The following EPHX3 variants were observed in gnomAD, a reference collection of about 807,000 sequenced individuals.
EPHX3 encodes the protein abhydrolase domain containing 9.
EPHX3 carries 39 observed loss-of-function variants against 40.2 expected under a neutral mutation model. That is an observed-to-expected ratio of 0.97 (90% confidence interval 0.75 to 1.27). The LOEUF is 1.27. Ranked by LOEUF, EPHX3 falls within the 50% of genes most tolerant of loss-of-function variation. EPHX3 has a pLI of 0.00. For missense variants in EPHX3, 442 were observed against 474.0 expected (o/e 0.93, Z 0.63); for synonymous variants, 213 against 209.7 (o/e 1.02, Z -0.14).
In EPHX3 at chr19:15,227,812, A is replaced by C. The variant is rs1040094800; in HGVS notation, c.816T>G (p.Gly272=). Residue 272 remains glycine (G), a synonymous_variant, in exon 6 of 7, where the codon GGT becomes GGG. Transcript: ENST00000221730. ...AGTAGTTGAGGGGCCCAGTGAGGCCACCAGGCTGTGAGAAGTTATAAAGGA... is the reference window on the plus strand; with the variant it reads ...AGTAGTTGAGGGGCCCAGTGAGGCCCCCAGGCTGTGAGAAGTTATAAAGGA... ...EAFLYNFSQP[G]GLTGPLNYYR... 1.7e-5 allele frequency: 27 copies of C among 1,613,882 alleles called. No individual in the cohort carries two copies. Among genetic ancestry groups the C allele is most frequent in the Non-Finnish European group, 2.3e-5 (27 of 1,180,026 alleles).
At chr19:15,230,135 A>C (rs1055802252) in intron 4 of EPHX3, among the ~76,000 whole-genome samples, 8 of 151,882 alleles carry the variant, frequency 5.3e-5, no homozygotes, top group Non-Finnish European at 7.4e-5. Flanking sequence ...CTATAAAAAA[A>C]TGTGGATTAC....
At chr19:15,230,879 A>G in intron 4 of EPHX3, 83 bp downstream of exon 4, 1 of 1,558,732 alleles carries the variant, frequency 6.4e-7, no homozygotes, top group Admixed American at 1.7e-5. Context: ...GTTGACAGGT[A>G]TACAGAGAAT....
chr19:15,227,754 TTGGC>T lies in EPHX3; in HGVS notation c.857+13_857+16del. The T allele has an allele frequency of 5.0e-6, 8 of 1,612,948 alleles. No homozygotes were observed. The highest frequency in any genetic ancestry group is 5.1e-6 in the Non-Finnish European group (6 of 1,179,366). Reference sequence around the variant, plus strand: ...CCCTGCAAATCTCCTGAGCTTATGCTTGGCAACTGGTCTCACCTGAAGAGGTTTC... The same window carrying T: ...CCCTGCAAATCTCCTGAGCTTATGCTAACTGGTCTCACCTGAAGAGGTTTC... On this transcript the variant is annotated intron_variant, in intron 6 of 6. Transcript: ENST00000221730.
Position 15,231,265 on chromosome 19 carries a change from TC to T in EPHX3, c.460del (p.Asp154ThrfsTer7). 6.2e-7 allele frequency: 1 copy of T among 1,613,916 alleles called. No individual in the cohort carries two copies. Among genetic ancestry groups the T allele is most frequent in the East Asian group, 2.2e-5 (1 of 44,866 alleles). On this transcript the variant is annotated frameshift_variant, in exon 3 of 7. Coordinates refer to ENST00000221730, the MANE Select transcript of EPHX3 (RefSeq NM_024794.3). LOFTEE classifies it high-confidence loss of function. ...CAGGCCTAGGATGACATCTTTGATG[TC>T]CACCAGCAGCAGGTCGATTGTGTAG... ...DCYTIDLLLVDIKDVILGLGY... is the reference protein window; with the variant it reads ...DCYTIDLLLVXIKDVILGLGY...
intron 6 of EPHX3, 23 bp from the exon 7 acceptor site, chr19:15,227,685 G>A (rs2047122807): frequency 1.9e-6 from 3 of 1,612,148 alleles, no homozygotes; most frequent in South Asian, 2.2e-5. Flanking sequence ...CAGACAGACA[G>A]GCAGACAGAC....
chr19:15,227,897 G>T lies in EPHX3; in HGVS notation c.731C>A (p.Thr244Asn). 3 of 1,614,058 alleles carry T rather than the reference G, an allele frequency of 1.9e-6. No homozygotes were observed. The highest frequency in any genetic ancestry group is 2.5e-6 in the Non-Finnish European group (3 of 1,180,012). The change falls in exon 6 of 7, where the codon ACC becomes AAC. Residue 244 changes from threonine to asparagine, a missense_variant. Thr to Asn is a moderately conservative substitution (Grantham distance 65, BLOSUM62 0). Transcript: ENST00000221730. ...GCCTGTCTTGCGGTGGGTGAGGGTG[G>T]TCTTCAGAATCTAGGTACACAGCAG... ...LSMSDFQILK[T>N]TLTHRKTGIP...
upstream of EPHX3, chr19:15,235,792 A>C (rs990049735): frequency 6.6e-6 from 1 of 152,210 alleles, no homozygotes; most frequent in East Asian, 1.9e-4. Context: ...AATTAAATAG[A>C]TCCCAGTTCT....
At chr19:15,231,549 G>A (rs1239925575) in intron 2 of EPHX3, among the ~76,000 whole-genome samples, 153 bp from the exon 3 acceptor site, 1 of 152,182 alleles carries the variant, frequency 6.6e-6, no homozygotes, top group Non-Finnish European at 1.5e-5. Flanking sequence ...AGAGGCTGAG[G>A]CTGAAGCCAG....
At chr19:15,231,193 G>A in intron 3 of EPHX3, 46 bp downstream of exon 3, 2 of 1,613,156 alleles carry the variant, frequency 1.2e-6, no homozygotes, top group South Asian at 1.1e-5. Flanking sequence ...GTATGCGTGT[G>A]TGCAGGATGA....
In EPHX3 at chr19:15,227,832, A is replaced by C; in HGVS notation, c.796T>G (p.Tyr266Asp). 1 of 1,613,992 alleles carries C rather than the reference A, an allele frequency of 6.2e-7. No homozygotes were observed. Among genetic ancestry groups the C allele is most frequent in the Non-Finnish European group, 8.5e-7 (1 of 1,179,986 alleles). ...LTPSELEAFL[Y>D]NFSQPGGLTG... ...AGGCCACCAGGCTGTGAGAAGTTAT[A>C]AAGGAAGGCCTCGAGCTCGCTGGGG... is the stretch of plus-strand genomic sequence containing the variant. Residue 266 changes from tyrosine to aspartate, a missense_variant, in exon 6 of 7, where the codon TAT (tyrosine) becomes GAT (aspartate). Transcript: ENST00000221730.
intron 4 of EPHX3, among the ~76,000 whole-genome samples, chr19:15,229,108 G>C (rs543506406): frequency 6.6e-6 from 1 of 152,204 alleles, no homozygotes; most frequent in South Asian, 2.1e-4. Context: ...GGCTGGGTGC[G>C]GTGGCTCACG....
intron 3 of EPHX3, 56 bp downstream of exon 3, chr19:15,231,183 G>T: frequency 6.2e-7 from 1 of 1,612,474 alleles, no homozygotes; most frequent in Non-Finnish European, 8.5e-7. Context: ...GAAAGCGGGG[G>T]TATGCGTGTG....
intron 4 of EPHX3, among the ~76,000 whole-genome samples, chr19:15,229,827 C>A (rs2047140004): frequency 7.9e-6 from 1 of 126,810 alleles, no homozygotes; most frequent in Non-Finnish European, 1.6e-5. Context: ...GCGGAGGTTG[C>A]AGTGAACTGA....
rs1281260291 is a variant in EPHX3 at position 15,227,985 on chromosome 19, C to T, written c.720+12G>A. 1 of 1,613,952 alleles carries T rather than the reference C, an allele frequency of 6.2e-7. No homozygotes were observed. The highest frequency in any genetic ancestry group is 2.2e-5 in the East Asian group (1 of 44,886). ...CTGCTTCCCTCCTCCCTTCAACCTGCACCCTCTGTACCTGAAAGTCAGACA... is the reference window on the plus strand; with the variant it reads ...CTGCTTCCCTCCTCCCTTCAACCTGTACCCTCTGTACCTGAAAGTCAGACA... On this transcript the variant is annotated intron_variant, in intron 5 of 6. Coordinates refer to ENST00000221730, the MANE Select transcript of EPHX3 (RefSeq NM_024794.3).
chr19:15,231,772 G>C lies in EPHX3; in HGVS notation c.329+4C>G, dbSNP rs1366233635. 1.9e-6 allele frequency: 3 copies of C among 1,613,682 alleles called. No individual in the cohort carries two copies. The highest frequency in any genetic ancestry group is 1.6e-4 in the Middle Eastern group (1 of 6,084). Reference sequence around the variant, plus strand: ...GGGCCTCAGGCCCCTGGCCCCAGACGTACCAGTTCTCAGGGAAGCCGTGCA... The same window carrying C: ...GGGCCTCAGGCCCCTGGCCCCAGACCTACCAGTTCTCAGGGAAGCCGTGCA... On this transcript the variant is annotated splice_donor_region_variant and intron_variant, in intron 2 of 6. Transcript: ENST00000221730.
chr19:15,233,951 T>G (rs1037357639), upstream of EPHX3, among the ~76,000 whole-genome samples: 4 of 151,512 alleles, frequency 2.6e-5, no homozygotes, highest in Non-Finnish European at 5.9e-5. Flanking sequence ...TCCCAGCTAC[T>G]AGGGAGGCTG....
rs765634527 is a variant in EPHX3 at position 15,232,066 on chromosome 19, C to T, written c.146G>A (p.Cys49Tyr). ...CCCGCAGCAGCCGCGCCGGGGCCGG[C>T]ACAGCACGTGCGTGAGCGCTATGCA... ...YGCIALTHVL[C>Y]RPRRGCCGRR... The change falls in exon 1 of 7, where the codon TGC (cysteine) becomes TAC (tyrosine). Residue 49 changes from cysteine (C) to tyrosine (Y), a missense_variant. Coordinates refer to ENST00000221730, the MANE Select transcript of EPHX3 (RefSeq NM_024794.3). 7 of 1,574,184 alleles carry T rather than the reference C, an allele frequency of 4.4e-6. No homozygotes were observed. The highest frequency in any genetic ancestry group is 6.0e-6 in the Non-Finnish European group (7 of 1,166,748).
At position 15,227,699 on chromosome 19, in the gene EPHX3, C is replaced by T. The variant is rs747081905; in HGVS notation, c.858-37G>A. ...ACAGACAGACAGGCAGACAGACAGG[C>T]AGAAGGATGGTTGCCTCCCACCCCC... On this transcript the variant is annotated intron_variant, in intron 6 of 6. Coordinates refer to ENST00000221730, the MANE Select transcript of EPHX3 (RefSeq NM_024794.3). 1.9e-6 allele frequency: 3 copies of T among 1,611,140 alleles called. No individual in the cohort carries two copies. The South Asian group carries it at 3.3e-5, about 18-fold the overall frequency.
rs1262833489 is a variant in EPHX3 at position 15,231,076 on chromosome 19, T to G, written c.502A>C (p.Ile168Leu). 3.1e-6 allele frequency: 5 copies of G among 1,614,016 alleles called. No homozygotes were observed. The South Asian group carries it at 5.5e-5, about 18-fold the overall frequency. The change falls in exon 4 of 7, where the codon ATC (isoleucine) becomes CTC (leucine). Residue 168 changes from isoleucine to leucine, a missense_variant. Transcript: ENST00000221730. Reference sequence around the variant, plus strand: ...GCACCCCAGTCATGGGCCACAAGGATGCACTTCGAGTAACCTGTGGGAATT... The same window carrying G: ...GCACCCCAGTCATGGGCCACAAGGAGGCACTTCGAGTAACCTGTGGGAATT... ...VILGLGYSKC[I>L]LVAHDWGALL...
Sources: gnomAD v4.1 joint callset for allele counts (sites outside exome capture counted in the v4.1 genomes callset) on GRCh38, gnomAD v4.1.1 for gene constraint, MANE v1.5 for transcripts, NCBI Gene and HGNC (gene_info 2026-07-23, HGNC 2026-07-21) for gene names.